Variants in SPMAP2L observed in about 807,000 individuals in gnomAD.
SPMAP2L encodes sperm microtubule associated protein 2-like.
chr4:56,589,279 G>T, the SPMAP2L span, among the ~76,000 whole-genome samples: 4,767 of 152,192 alleles, frequency 0.031, 220 homozygotes, highest in African/African-American at 0.098. Flanking sequence ...GTGAGCCACT[G>T]CACCCAGCGT....
At chr4:56,605,996 T>C in the SPMAP2L span, among the ~76,000 whole-genome samples, 5 of 152,200 alleles carry the variant, frequency 3.3e-5, no homozygotes, top group African/African-American at 1.2e-4. Flanking sequence ...GTAGAATTAT[T>C]ACATTTGAGT....
At chr4:56,578,544 A>G in the SPMAP2L span, among the ~76,000 whole-genome samples, 1 of 152,152 alleles carries the variant, frequency 6.6e-6, no homozygotes, top group Admixed American at 6.6e-5. Context: ...ACACTCCAAT[A>G]AAAAGACAGG....
At chr4:56,572,078 A>G in the SPMAP2L span, among the ~76,000 whole-genome samples, 14 of 152,216 alleles carry the variant, frequency 9.2e-5, no homozygotes, top group Non-Finnish European at 1.3e-4. Context: ...ACTCTAAAAT[A>G]ACAATAAAAA....
chr4:56,541,579 C>T, the SPMAP2L span, among the ~76,000 whole-genome samples: 1 of 134,572 alleles, frequency 7.4e-6, no homozygotes, highest in South Asian at 2.5e-4. Flanking sequence ...CCCCTATGTA[C>T]CCATTACGTA....
At chr4:56,572,814 G>A in the SPMAP2L span, among the ~76,000 whole-genome samples, 5 of 152,042 alleles carry the variant, frequency 3.3e-5, no homozygotes, top group Admixed American at 6.6e-5. Flanking sequence ...TCAGGAGTTC[G>A]AGACCAGCCT....
At chr4:56,594,315 T>C in the SPMAP2L span, 1 of 1,526,704 alleles carries the variant, frequency 6.6e-7, no homozygotes. Flanking sequence ...CACAGCATGA[T>C]TCCACTGGGA....
the SPMAP2L span, among the ~76,000 whole-genome samples, chr4:56,547,117 C>T: frequency 1.3e-5 from 2 of 152,080 alleles, no homozygotes; most frequent in Non-Finnish European, 2.9e-5. Flanking sequence ...TCTATTTAAG[C>T]CATTGATACA....
At chr4:56,600,849 T>A in the SPMAP2L span, 1 of 1,327,336 alleles carries the variant, frequency 7.5e-7, no homozygotes, top group Non-Finnish European at 1.0e-6. Context: ...AAGAAATGAT[T>A]GTGACTTAAG....
the SPMAP2L span, among the ~76,000 whole-genome samples, chr4:56,623,658 A>G: frequency 6.6e-6 from 1 of 152,130 alleles, no homozygotes; most frequent in African/African-American, 2.4e-5. Flanking sequence ...TATTATCATG[A>G]TAGTCTATAA....
chr4:56,575,275 GT>G, the SPMAP2L span, among the ~76,000 whole-genome samples: 3 of 152,020 alleles, frequency 2.0e-5, no homozygotes, highest in South Asian at 6.2e-4. Flanking sequence ...AAAAGAAGAT[GT>G]CATTTATTTG....
chr4:56,541,232 C>A, the SPMAP2L span, among the ~76,000 whole-genome samples: 3 of 151,504 alleles, frequency 2.0e-5, no homozygotes, highest in African/African-American at 4.9e-5. Context: ...AATGTTTTTG[C>A]CAATTTGAAT....
chr4:56,559,573 T>C, the SPMAP2L span: 4 of 1,417,366 alleles, frequency 2.8e-6, no homozygotes, highest in Non-Finnish European at 2.8e-6. Flanking sequence ...TTTGTTGTTG[T>C]TTTTTGCTTT....
At chr4:56,558,650 T>TA in the SPMAP2L span, among the ~76,000 whole-genome samples, 4 of 152,230 alleles carry the variant, frequency 2.6e-5, no homozygotes, top group Admixed American at 6.5e-5. Flanking sequence ...TACCTCAGCT[T>TA]CCTAATCCCT....
chr4:56,584,522 G>A, the SPMAP2L span: 1 of 1,535,306 alleles, frequency 6.5e-7, no homozygotes, highest in South Asian at 1.2e-5. Flanking sequence ...CTCAGCAAGA[G>A]ATTCTCTTCG....
At chr4:56,540,863 G>C in the SPMAP2L span, among the ~76,000 whole-genome samples, 1 of 152,206 alleles carries the variant, frequency 6.6e-6, no homozygotes, top group East Asian at 1.9e-4. Flanking sequence ...GGATGGATTG[G>C]ATGTGTCAAC....
the SPMAP2L span, among the ~76,000 whole-genome samples, chr4:56,579,525 T>C: frequency 1.5e-4 from 22 of 150,252 alleles, no homozygotes; most frequent in Admixed American, 1.1e-3. Flanking sequence ...ATCCCAGCAA[T>C]TTGGGAAGCT....
At chr4:56,557,026 A>G in the SPMAP2L span, among the ~76,000 whole-genome samples, 1 of 151,936 alleles carries the variant, frequency 6.6e-6, no homozygotes, top group African/African-American at 2.4e-5. Flanking sequence ...AGGCGGGTAG[A>G]TCACTTGACG....
chr4:56,620,001 A>G, the SPMAP2L span, among the ~76,000 whole-genome samples: 1 of 152,266 alleles, frequency 6.6e-6, no homozygotes, highest in Non-Finnish European at 1.5e-5. Flanking sequence ...CAGGCACTGC[A>G]GAGTCACAGC....
chr4:56,554,311 G>T, the SPMAP2L span, among the ~76,000 whole-genome samples: 6 of 152,316 alleles, frequency 3.9e-5, no homozygotes, highest in South Asian at 4.1e-4. Context: ...AGCAATGAAG[G>T]AGAGTTCCTG....
Sources: allele counts gnomAD v4.1 joint callset (sites outside exome capture counted in the v4.1 genomes callset), GRCh38; gene constraint gnomAD v4.1.1; transcripts MANE v1.5; gene names NCBI Gene and HGNC (gene_info 2026-07-23, HGNC 2026-07-21).